EIF4G3: variants seen among roughly 807,000 people sequenced by gnomAD.
EIF4G3 encodes the protein eukaryotic translation initiation factor 4 gamma 3.
A neutral mutation model predicts 186.4 loss-of-function variants in EIF4G3; 34 were observed. The ratio of observed to expected loss-of-function variants is 0.18; its 90% CI spans 0.14 to 0.24. EIF4G3 has a LOEUF of 0.24. Among genes scored for constraint, EIF4G3 ranks in the 10% least tolerant of loss-of-function variants. The pLI, the probability that EIF4G3 is intolerant of heterozygous loss-of-function variation, is 1.00. For missense variants in EIF4G3, 1,536 were observed against 1,948.5 expected (o/e 0.79, Z 3.99); for synonymous variants, 673 against 679.5 (o/e 0.99, Z 0.15).
intron 34 of EIF4G3, among the ~76,000 whole-genome samples, chr1:20,816,858 A>G (rs2061122345): frequency 9.7e-6 from 1 of 102,618 alleles, no homozygotes; most frequent in East Asian, 4.2e-4. Context: ...CTGTGTAGAA[A>G]GAAGTAGACA....
chr1:20,927,549 G>C (rs2094999257), intron 14 of EIF4G3, among the ~76,000 whole-genome samples: 3 of 152,316 alleles, frequency 2.0e-5, no homozygotes, highest in Middle Eastern at 6.8e-3. Context: ...ATGACAGTCT[G>C]TGAAATGGAG....
intron 14 of EIF4G3, among the ~76,000 whole-genome samples, chr1:20,938,060 G>C (rs1367733955): frequency 6.6e-6 from 1 of 151,710 alleles, no homozygotes; most frequent in Non-Finnish European, 1.5e-5. Context: ...GAAGTGGCGC[G>C]ATGTTGGATC....
chr1:20,864,978 T>C (rs2077238579), intron 21 of EIF4G3, 138 bp downstream of exon 21: 2 of 970,720 alleles, frequency 2.1e-6, no homozygotes, highest in South Asian at 3.3e-5. Flanking sequence ...TAAACATTAA[T>C]ATGTTGTTTC....
chr1:20,829,315 C>A, intron 30 of EIF4G3, 43 bp from the exon 31 acceptor site: 1 of 1,599,342 alleles, frequency 6.3e-7, no homozygotes, highest in South Asian at 1.1e-5. Flanking sequence ...AAATGTAATT[C>A]AAAAGTTAAA....
chr1:21,007,532 AAAAAAC>A lies in EIF4G3; in HGVS notation c.-66-4730_-66-4725del, dbSNP rs1238017029. Reference sequence around the variant, plus strand: ...CCCCTCCTTAAAAAAAAAAAAAAAAAAAAAACACACTCAAAAACAAAAAAACTGGAA... The same window carrying A: ...CCCCTCCTTAAAAAAAAAAAAAAAAAACACTCAAAAACAAAAAAACTGGAA... On this transcript the variant is annotated intron_variant, in intron 4 of 36. Transcript: ENST00000602326. 1.5e-3 allele frequency among the ~76,000 whole-genome samples: 212 copies of A among 144,742 alleles called. 9 individuals are homozygous for A. The highest frequency in any genetic ancestry group is 2.7e-3 in the Non-Finnish European group (177 of 65,974). 95.0% of individuals were successfully genotyped at this position (144,742 alleles called of 152,430 possible).
chr1:21,007,530 A>AACAAACAAAC (rs1254849604), intron 4 of EIF4G3, among the ~76,000 whole-genome samples: 4,280 of 142,786 alleles, frequency 0.03, 342 homozygotes, highest in African/African-American at 0.1. Flanking sequence ...AAAAAAAAAA[A>AACAAACAAAC]AAAAAAACAC....
intron 25 of EIF4G3, among the ~76,000 whole-genome samples, chr1:20,857,180 G>A (rs12061352): frequency 0.031 from 1,704 of 55,062 alleles, 7 homozygotes; most frequent in Middle Eastern, 0.059. Flanking sequence ...AAAAAAAAAA[G>A]AAAATGTAGA....
At chr1:20,886,690 A>C (rs1355017754) in intron 18 of EIF4G3, among the ~76,000 whole-genome samples, 1 of 152,178 alleles carries the variant, frequency 6.6e-6, no homozygotes, top group Non-Finnish European at 1.5e-5. Context: ...TGGACTGGTC[A>C]CTTCAATAAT....
intron 3 of EIF4G3, among the ~76,000 whole-genome samples, chr1:21,060,677 T>C (rs2094846137): frequency 6.7e-6 from 1 of 149,850 alleles, no homozygotes; most frequent in Admixed American, 6.8e-5. Context: ...CTTGGGAGCG[T>C]AAGGCAAGAG....
At chr1:20,857,919 T>C (rs1016637524) in intron 24 of EIF4G3, among the ~76,000 whole-genome samples, 14 of 152,202 alleles carry the variant, frequency 9.2e-5, no homozygotes, top group African/African-American at 2.7e-4. Context: ...CAAATCTGCT[T>C]CTCCAACATT....
At chr1:20,945,793 T>C (rs1232938431) in intron 13 of EIF4G3, among the ~76,000 whole-genome samples, 1 of 152,058 alleles carries the variant, frequency 6.6e-6, no homozygotes, top group Non-Finnish European at 1.5e-5. Context: ...CAAGAATTTG[T>C]TTGTTTGTTT....
intron 12 of EIF4G3, among the ~76,000 whole-genome samples, chr1:20,952,105 C>T (rs186567784): frequency 5.0e-4 from 76 of 152,020 alleles, no homozygotes; most frequent in African/African-American, 1.8e-3. Context: ...ATTTTATAAG[C>T]CTCCAACAGT....
intron 23 of EIF4G3, among the ~76,000 whole-genome samples, chr1:20,861,117 C>T (rs867277212): frequency 1.3e-5 from 2 of 152,202 alleles, no homozygotes; most frequent in South Asian, 2.1e-4. Flanking sequence ...TAGCAACAGT[C>T]CCAACATCTG....
intron 3 of EIF4G3, among the ~76,000 whole-genome samples, chr1:21,087,616 A>C (rs1416836935): frequency 6.6e-6 from 1 of 150,718 alleles, no homozygotes; most frequent in Admixed American, 6.7e-5. Context: ...AACATCATAA[A>C]ACCTTGCCTC....
intron 5 of EIF4G3, among the ~76,000 whole-genome samples, chr1:21,002,489 G>A (rs1395751046): frequency 1.3e-5 from 2 of 152,132 alleles, no homozygotes; most frequent in East Asian, 1.9e-4. Flanking sequence ...AGGGAGTGGA[G>A]GGTTAAAAGC....
Position 21,052,728 on chromosome 1 carries a change from G to A in EIF4G3, c.-195-1734C>T, listed in dbSNP as rs924751099. 1.6e-3 allele frequency among the ~76,000 whole-genome samples: 251 copies of A among 152,292 alleles called. 1 individual carries two copies. The highest frequency in any genetic ancestry group is 2.8e-3 in the Non-Finnish European group (189 of 67,988). On this transcript the variant is annotated intron_variant, in intron 3 of 36. Coordinates refer to ENST00000602326, the MANE Select transcript of EIF4G3 (RefSeq NM_001391906.1). ...GCCGAGTGCCTGCGATTGCAGGCGC[G>A]CGCCGCCACGCCTGACTGGTTCTCG...
intron 25 of EIF4G3, among the ~76,000 whole-genome samples, chr1:20,855,835 T>C (rs1003002775): frequency 6.6e-6 from 1 of 152,190 alleles, no homozygotes; most frequent in South Asian, 2.1e-4. Context: ...TACCCATGTA[T>C]AGTACCTCCA....
At chr1:20,870,975 CTGTA>C (rs1375058842) in intron 20 of EIF4G3, among the ~76,000 whole-genome samples, 1 of 152,126 alleles carries the variant, frequency 6.6e-6, no homozygotes, top group African/African-American at 2.4e-5. Context: ...ACATATGTAT[CTGTA>C]TGTGTGTGTA....
chr1:20,831,117 CCA>C (rs1047533997), intron 30 of EIF4G3, among the ~76,000 whole-genome samples: 173 of 152,230 alleles, frequency 1.1e-3, no homozygotes, highest in African/African-American at 3.9e-3. Flanking sequence ...AAGGAAAAAA[CCA>C]CAGCCACTGG....
Sources: allele counts gnomAD v4.1 joint callset (sites outside exome capture counted in the v4.1 genomes callset), GRCh38; gene constraint gnomAD v4.1.1; transcripts MANE v1.5; gene names NCBI Gene and HGNC (gene_info 2026-07-23, HGNC 2026-07-21).